RTN1: variants seen among roughly 807,000 people sequenced by gnomAD.
The protein encoded by RTN1 is reticulon 1.
In RTN1, 25 loss-of-function variants were observed where a neutral mutation model predicts 65.5. The ratio of observed to expected loss-of-function variants is 0.38; its 90% CI spans 0.28 to 0.53. The LOEUF is 0.53. Ranked by LOEUF, RTN1 falls within the 20% of genes least tolerant of loss-of-function variation. The pLI is 0.79. For synonymous variants in RTN1, 471 were observed against 447.6 expected (o/e 1.05, Z -0.66); for missense variants, 983 against 1,025.4 (o/e 0.96, Z 0.57).
At chr14:59,724,047 C>T (rs746886861) in intron 3 of RTN1, among the ~76,000 whole-genome samples, 17 of 152,128 alleles carry the variant, frequency 1.1e-4, no homozygotes, top group Admixed American at 7.2e-4. Flanking sequence ...CTAACAGTTA[C>T]GGCTAATCTT....
intron 3 of RTN1, among the ~76,000 whole-genome samples, chr14:59,613,839 C>G (rs1299685847): frequency 6.6e-6 from 1 of 151,926 alleles, no homozygotes; most frequent in Non-Finnish European, 1.5e-5. Flanking sequence ...CTTATAAAAC[C>G]CCAGGAATTT....
At chr14:59,730,932 C>T (rs1884883002) in intron 2 of RTN1, among the ~76,000 whole-genome samples, 1 of 152,086 alleles carries the variant, frequency 6.6e-6, no homozygotes, top group South Asian at 2.1e-4. Flanking sequence ...CTGCTTTGGA[C>T]AAAAGTCTGA....
intron 1 of RTN1, among the ~76,000 whole-genome samples, chr14:59,770,928 T>C (rs1020515506): frequency 6.6e-5 from 10 of 151,716 alleles, no homozygotes; most frequent in Non-Finnish European, 1.2e-4. Flanking sequence ...GTGTCTGCAA[T>C]CCCAGCTATA....
intron 1 of RTN1, among the ~76,000 whole-genome samples, chr14:59,835,966 G>A (rs1887206156): frequency 6.6e-6 from 1 of 152,132 alleles, no homozygotes; most frequent in Admixed American, 6.6e-5. Flanking sequence ...CATTCCTTCT[G>A]GAGGTTCTAG....
chr14:59,791,551 C>G (rs1166869718), intron 1 of RTN1, among the ~76,000 whole-genome samples: 1 of 152,188 alleles, frequency 6.6e-6, no homozygotes, highest in South Asian at 2.1e-4. Flanking sequence ...GACTAAGGTG[C>G]CTATTCCTCT....
intron 1 of RTN1, among the ~76,000 whole-genome samples, chr14:59,847,867 G>A (rs550112104): frequency 6.6e-6 from 1 of 152,296 alleles, no homozygotes; most frequent in South Asian, 2.1e-4. Flanking sequence ...TGCAGAGGAA[G>A]CTGGCACAGA....
chr14:59,610,028 G>T (rs1881897372), intron 3 of RTN1: 1 of 716,220 alleles, frequency 1.4e-6, no homozygotes, highest in East Asian at 2.6e-5. Flanking sequence ...GAGACGTGAA[G>T]GGGCTCAGAA....
At chr14:59,819,352 CTTTACAGAGAGCCGATTGGTCCAT>C (rs1886881714) in intron 1 of RTN1, among the ~76,000 whole-genome samples, 1 of 136,946 alleles carries the variant, frequency 7.3e-6, no homozygotes, top group Non-Finnish European at 1.5e-5. Flanking sequence ...GATTGGTCCA[CTTTACAGAGAGCCGATTGGTCCAT>C]TTTACAGAGA....
chr14:59,665,907 T>C (rs958592143), intron 3 of RTN1, among the ~76,000 whole-genome samples: 2 of 152,148 alleles, frequency 1.3e-5, no homozygotes, highest in Non-Finnish European at 2.9e-5. Context: ...TAAATATATA[T>C]GCACCAAATA....
chr14:59,622,111 G>A (rs549285545), intron 3 of RTN1, among the ~76,000 whole-genome samples: 4 of 152,226 alleles, frequency 2.6e-5, no homozygotes, highest in East Asian at 1.9e-4. Flanking sequence ...TGAGGCGGGC[G>A]GATCATCTGA....
intron 2 of RTN1, among the ~76,000 whole-genome samples, chr14:59,745,028 A>G (rs1295035266): frequency 6.6e-6 from 1 of 152,192 alleles, no homozygotes; most frequent in African/African-American, 2.4e-5. Flanking sequence ...CCACTCATGG[A>G]TTAATGGATT....
At chr14:59,684,609 A>G (rs1417163893) in intron 3 of RTN1, among the ~76,000 whole-genome samples, 1 of 152,082 alleles carries the variant, frequency 6.6e-6, no homozygotes, top group Non-Finnish European at 1.5e-5. Context: ...TTCATGCTTT[A>G]TAGGTCATAT....
intron 3 of RTN1, among the ~76,000 whole-genome samples, chr14:59,667,262 C>G (rs554550086): frequency 2.0e-5 from 3 of 152,076 alleles, no homozygotes; most frequent in African/African-American, 4.8e-5. Context: ...TTATCCACCA[C>G]GATCAAGTCG....
At chr14:59,858,959 T>A (rs1208139947) in intron 1 of RTN1, among the ~76,000 whole-genome samples, 1 of 152,230 alleles carries the variant, frequency 6.6e-6, no homozygotes, top group Non-Finnish European at 1.5e-5. Context: ...CAAAACTGGA[T>A]AAAATTATAT....
At chr14:59,854,823 G>T (rs1383062297) in intron 1 of RTN1, among the ~76,000 whole-genome samples, 2 of 152,004 alleles carry the variant, frequency 1.3e-5, no homozygotes, top group Admixed American at 6.6e-5. Flanking sequence ...ATCTCAGTTT[G>T]CTTACTTGTA....
At chr14:59,625,650 C>T (rs1218260726) in intron 3 of RTN1, among the ~76,000 whole-genome samples, 1 of 152,104 alleles carries the variant, frequency 6.6e-6, no homozygotes, top group Non-Finnish European at 1.5e-5. Context: ...CAAATCTTAA[C>T]AACGATTAAC....
chr14:59,677,169 T>C (rs996001979), intron 3 of RTN1, among the ~76,000 whole-genome samples: 27 of 152,234 alleles, frequency 1.8e-4, no homozygotes, highest in Admixed American at 9.8e-4. Flanking sequence ...ACCCCAGCCT[T>C]TGAATCCTTC....
chr14:59,778,535 T>C (rs192853405), intron 1 of RTN1, among the ~76,000 whole-genome samples: 2 of 152,306 alleles, frequency 1.3e-5, no homozygotes, highest in East Asian at 3.9e-4. Context: ...CTTTGTTCTG[T>C]GCCAGACACT....
chr14:59,801,146 A>T (rs1886538772), intron 1 of RTN1, among the ~76,000 whole-genome samples: 1 of 152,220 alleles, frequency 6.6e-6, no homozygotes, highest in Non-Finnish European at 1.5e-5. Context: ...GAATCTCAGA[A>T]ATACAAGGTA....
Sources: gnomAD v4.1 joint callset for allele counts (sites outside exome capture counted in the v4.1 genomes callset) on GRCh38, gnomAD v4.1.1 for gene constraint, MANE v1.5 for transcripts, NCBI Gene and HGNC (gene_info 2026-07-23, HGNC 2026-07-21) for gene names.